PHLPP1: variants seen among roughly 807,000 people sequenced by gnomAD.
The protein encoded by PHLPP1 is PH domain leucine-rich repeat-containing protein phosphatase 1.
PHLPP1 carries 42 observed loss-of-function variants against 117.2 expected under a neutral mutation model. The observed-to-expected ratio is 0.36, with a 90% CI of 0.28 to 0.46. The LOEUF (loss-of-function observed/expected upper bound fraction) is 0.46, where lower values mean the gene tolerates loss of function less well. PHLPP1 is among the 20% of genes least tolerant of loss of function. PHLPP1 has a pLI of 1.00. For synonymous variants in PHLPP1, 1,042 were observed against 970.7 expected (o/e 1.07, Z -1.37); for missense variants, 2,084 against 2,241.9 (o/e 0.93, Z 1.42).
chr18:62,957,668 C>T (rs1311477608), intron 12 of PHLPP1, among the ~76,000 whole-genome samples: 2 of 150,588 alleles, frequency 1.3e-5, no homozygotes, highest in African/African-American at 4.9e-5. Context: ...GTCGCCCAGG[C>T]CAGAATGCAG....
Position 62,840,554 on chromosome 18 carries a change from G to A in PHLPP1, c.1899+1645G>A, listed in dbSNP as rs552564148. 2.0e-5 allele frequency among the ~76,000 whole-genome samples: 3 copies of A among 152,268 alleles called. No individual in the cohort carries two copies. The East Asian group carries it at 5.8e-4, about 29-fold the overall frequency. On this transcript the variant is annotated intron_variant, in intron 3 of 16. Transcript: ENST00000262719. ...TATCATTTTTATTGTGCTTTTGTATGTATTTATATCAAAGTGGTTTTATGG... is the reference window on the plus strand; with the variant it reads ...TATCATTTTTATTGTGCTTTTGTATATATTTATATCAAAGTGGTTTTATGG...
chr18:62,822,785 T>C (rs1290031273), intron 1 of PHLPP1, among the ~76,000 whole-genome samples: 1 of 152,188 alleles, frequency 6.6e-6, no homozygotes, highest in African/African-American at 2.4e-5. Context: ...TTTTAAAGAT[T>C]CACTACTCAA....
chr18:62,719,964 G>T (rs1374114516), intron 1 of PHLPP1, among the ~76,000 whole-genome samples: 1 of 152,116 alleles, frequency 6.6e-6, no homozygotes, highest in African/African-American at 2.4e-5. Context: ...TTTAATGAGC[G>T]AGAAGGCCCT....
chr18:62,913,739 C>CTT (rs398033174), intron 8 of PHLPP1, among the ~76,000 whole-genome samples: 2,453 of 100,388 alleles, frequency 0.024, 88 homozygotes, highest in African/African-American at 0.062. Context: ...CTCTCTCTCT[C>CTT]TTTTTTTTTT....
chr18:62,804,498 C>T (rs1034193646), intron 1 of PHLPP1, among the ~76,000 whole-genome samples: 1 of 152,030 alleles, frequency 6.6e-6, no homozygotes, highest in Non-Finnish European at 1.5e-5. Context: ...GGGAGGATCA[C>T]TTGAACCTAG....
chr18:62,963,623 C>T (rs1200926822), intron 14 of PHLPP1, among the ~76,000 whole-genome samples, 151 bp downstream of exon 14: 4 of 152,210 alleles, frequency 2.6e-5, no homozygotes, highest in East Asian at 3.8e-4. Context: ...GGCTCCCTCA[C>T]GACTTATGTT....
At chr18:62,860,154 G>A (rs1915596169) in intron 3 of PHLPP1, among the ~76,000 whole-genome samples, 1 of 152,180 alleles carries the variant, frequency 6.6e-6, no homozygotes, top group Admixed American at 6.5e-5. Flanking sequence ...AAACATAGAA[G>A]GCAGTGTGTT....
chr18:62,828,389 C>CT (rs1311099572), intron 1 of PHLPP1, among the ~76,000 whole-genome samples: 1 of 152,138 alleles, frequency 6.6e-6, no homozygotes, highest in Non-Finnish European at 1.5e-5. Flanking sequence ...TGTGGGAAAA[C>CT]TAACATGTGG....
chr18:62,866,312 T>C (rs1915770723), intron 4 of PHLPP1, among the ~76,000 whole-genome samples: 1 of 152,026 alleles, frequency 6.6e-6, no homozygotes, highest in Admixed American at 6.6e-5. Context: ...TGGTGCGATC[T>C]TGACTTACTG....
chr18:62,973,275 G>A (rs1911102178), intron 15 of PHLPP1, among the ~76,000 whole-genome samples: 1 of 152,216 alleles, frequency 6.6e-6, no homozygotes, highest in South Asian at 2.1e-4. Flanking sequence ...GCCTGGAGTT[G>A]CCACCAGCAG....
At chr18:62,770,984 C>T (rs1315411558) in intron 1 of PHLPP1, among the ~76,000 whole-genome samples, 3 of 151,992 alleles carry the variant, frequency 2.0e-5, no homozygotes, top group South Asian at 2.1e-4. Flanking sequence ...TTTGGGAGGC[C>T]GAGGTGGGTG....
intron 4 of PHLPP1, among the ~76,000 whole-genome samples, chr18:62,867,525 G>A (rs1352426039): frequency 6.6e-6 from 1 of 152,176 alleles, no homozygotes; most frequent in African/African-American, 2.4e-5. Context: ...CTTGATAGCA[G>A]CCTCACTTTA....
At chr18:62,857,646 T>A (rs1216273265) in intron 3 of PHLPP1, among the ~76,000 whole-genome samples, 1 of 152,208 alleles carries the variant, frequency 6.6e-6, no homozygotes, top group Non-Finnish European at 1.5e-5. Flanking sequence ...AGATTTCTAC[T>A]GAGGCTTCAA....
At chr18:62,740,956 A>G (rs1911508440) in intron 1 of PHLPP1, among the ~76,000 whole-genome samples, 1 of 152,190 alleles carries the variant, frequency 6.6e-6, no homozygotes, top group Non-Finnish European at 1.5e-5. Flanking sequence ...CCTGGGCAAC[A>G]GAGTCAGACT....
At chr18:62,822,574 G>A (rs1914499421) in intron 1 of PHLPP1, among the ~76,000 whole-genome samples, 1 of 152,032 alleles carries the variant, frequency 6.6e-6, no homozygotes, top group Admixed American at 6.6e-5. Flanking sequence ...GTGAGCCACT[G>A]CGCCTGGCCG....
At chr18:62,940,685 CA>C (rs1910108512) in intron 10 of PHLPP1, among the ~76,000 whole-genome samples, 1 of 152,060 alleles carries the variant, frequency 6.6e-6, no homozygotes, top group African/African-American at 2.4e-5. Context: ...TTCACTCTAG[CA>C]TCTGAAAAGT....
rs1301318523 is a variant in PHLPP1, at chr18:62,868,569, C to T, written c.2066+7968C>T. On this transcript the variant is annotated intron_variant, in intron 4 of 16. Transcript: ENST00000262719. Reference sequence around the variant, plus strand: ...CCTGGGAGGCAGAGGTTGCAGTGAGCTGAAATGGCGCCACTGCACTCCAGC... The same window carrying T: ...CCTGGGAGGCAGAGGTTGCAGTGAGTTGAAATGGCGCCACTGCACTCCAGC... Among the ~76,000 whole-genome samples the T allele has an allele frequency of 3.4e-5, 5 of 148,444 alleles. No individual in the cohort carries two copies. The Admixed American group carries it at 3.4e-4, about 10-fold the overall frequency.
chr18:62,738,729 A>G (rs1363675422), intron 1 of PHLPP1, among the ~76,000 whole-genome samples: 1 of 148,654 alleles, frequency 6.7e-6, no homozygotes, highest in Non-Finnish European at 1.5e-5. Context: ...GGAACAGTTA[A>G]TAACAATACT....
At chr18:62,899,194 T>C (rs117571065) in intron 6 of PHLPP1, among the ~76,000 whole-genome samples, 3,129 of 152,324 alleles carry the variant, frequency 0.021, 44 homozygotes, top group Middle Eastern at 0.054. Flanking sequence ...TGTCATGAAT[T>C]ACAACTTTAG....
Sources: gnomAD v4.1 joint callset for allele counts (sites outside exome capture counted in the v4.1 genomes callset) on GRCh38, gnomAD v4.1.1 for gene constraint, MANE v1.5 for transcripts, NCBI Gene and HGNC (gene_info 2026-07-23, HGNC 2026-07-21) for gene names.